The following PTPRG variants were observed in gnomAD, a reference collection of about 807,000 sequenced individuals.
The protein encoded by PTPRG is receptor-type tyrosine-protein phosphatase gamma.
In PTPRG, 102 loss-of-function variants were observed where a neutral mutation model predicts 165.3. The observed-to-expected ratio is 0.62, with a 90% confidence interval of 0.53 to 0.73. The LOEUF is 0.73. Among genes scored for constraint, PTPRG ranks in the 30% least tolerant of loss-of-function variants. The probability of loss-of-function intolerance (pLI) is 0.00; values close to 1 mark genes in which losing one functional copy is unlikely to be tolerated. For synonymous variants in PTPRG, 675 were observed against 669.5 expected, an observed-to-expected ratio of 1.01 and a Z score of -0.13; for missense variants, 1,866 against 1,861.4, an observed-to-expected ratio of 1.00 and a Z score of -0.05.
chr3:61,939,745 C>G (rs1183060758), intron 2 of PTPRG, among the ~76,000 whole-genome samples: 3 of 152,006 alleles, frequency 2.0e-5, no homozygotes, highest in Non-Finnish European at 4.4e-5. Context: ...AAATAGGGAA[C>G]TCTGTTTTGC....
At chr3:61,683,404 G>A (rs759889349) in intron 1 of PTPRG, among the ~76,000 whole-genome samples, 18 of 151,888 alleles carry the variant, frequency 1.2e-4, no homozygotes, top group Non-Finnish European at 2.5e-4. Context: ...CTCTGTGGAG[G>A]GTCAATTTTC....
At chr3:61,977,609 G>A (rs1475365536) in intron 2 of PTPRG, among the ~76,000 whole-genome samples, 4 of 151,478 alleles carry the variant, frequency 2.6e-5, no homozygotes, top group African/African-American at 9.7e-5. Context: ...TTTTTTCACA[G>A]AATGGCATTA....
chr3:61,934,142 A>G (rs890607180), intron 2 of PTPRG, among the ~76,000 whole-genome samples: 8 of 152,224 alleles, frequency 5.3e-5, no homozygotes, highest in African/African-American at 1.9e-4. Context: ...CAAGAACAAA[A>G]GAAAGGTGCC....
intron 4 of PTPRG, among the ~76,000 whole-genome samples, chr3:62,031,803 A>G (rs1047731352): frequency 2.0e-5 from 3 of 152,138 alleles, no homozygotes; most frequent in African/African-American, 7.2e-5. Context: ...AGATAGAGAC[A>G]TTATTTCAGG....
intron 2 of PTPRG, among the ~76,000 whole-genome samples, chr3:61,929,468 A>G (rs2039306519): frequency 6.6e-6 from 1 of 152,198 alleles, no homozygotes; most frequent in Admixed American, 6.5e-5. Context: ...GAAACTCAAC[A>G]TTTAGTTGAG....
intron 10 of PTPRG, among the ~76,000 whole-genome samples, chr3:62,199,372 GCATGTACA>G (rs1219587170): frequency 1.3e-5 from 2 of 152,168 alleles, no homozygotes; most frequent in Non-Finnish European, 2.9e-5. Flanking sequence ...CAGGCAGGGG[GCATGTACA>G]CATGAGGGGA....
intron 2 of PTPRG, among the ~76,000 whole-genome samples, chr3:61,939,950 TTTTTTTTTTTTTTTG>T (rs1296878500): frequency 2.5e-5 from 3 of 121,630 alleles, no homozygotes; most frequent in African/African-American, 9.9e-5. Flanking sequence ...TTTTTTTTTT[TTTTTTTTTTTTTTTG>T]AGACAGTCTT....
intron 4 of PTPRG, among the ~76,000 whole-genome samples, chr3:62,009,373 A>G (rs1042805930): frequency 2.6e-5 from 4 of 152,130 alleles, no homozygotes; most frequent in African/African-American, 9.7e-5. Context: ...GTCCAGCCAG[A>G]AGTTTCTAGT....
intron 2 of PTPRG, among the ~76,000 whole-genome samples, chr3:61,800,837 T>C (rs1368522668): frequency 6.6e-6 from 1 of 151,930 alleles, no homozygotes; most frequent in Non-Finnish European, 1.5e-5. Context: ...AGAGATAGGG[T>C]TTCGCCATGT....
chr3:62,227,065 C>T (rs1700779840), intron 13 of PTPRG, among the ~76,000 whole-genome samples: 1 of 152,216 alleles, frequency 6.6e-6, no homozygotes, highest in South Asian at 2.1e-4. Flanking sequence ...ATAATGGAGG[C>T]TCAGGCAAAC....
chr3:61,967,700 A>T (rs1004733728), intron 2 of PTPRG, among the ~76,000 whole-genome samples: 2 of 152,188 alleles, frequency 1.3e-5, no homozygotes, highest in African/African-American at 4.8e-5. Context: ...CACTGATTAT[A>T]AATTTGGCTA....
intron 2 of PTPRG, among the ~76,000 whole-genome samples, chr3:61,865,134 A>C (rs575276465): frequency 6.6e-6 from 1 of 152,106 alleles, no homozygotes; most frequent in Admixed American, 6.5e-5. Flanking sequence ...CCAGGAGCAA[A>C]CTGGGGAGTT....
intron 2 of PTPRG, among the ~76,000 whole-genome samples, chr3:61,958,858 C>T (rs1451411781): frequency 6.6e-6 from 1 of 152,050 alleles, no homozygotes; most frequent in Non-Finnish European, 1.5e-5. Context: ...AATGGAAATC[C>T]ACACGAACTT....
rs183149255 is a variant in PTPRG, at chr3:62,000,841, T to G, written c.371-2508T>G. On this transcript the variant is annotated intron_variant, in intron 3 of 29. Transcript: ENST00000474889. ...GAGTTTGGAAATAACCACCACTGAA[T>G]ATGTGTTTGCTGGCTTCCTGGCCCT... 3.4e-3 allele frequency among the ~76,000 whole-genome samples: 525 copies of G among 152,278 alleles called. 3 individuals carry two copies. Among genetic ancestry groups the G allele is most frequent in the African/African-American group, 0.012 (490 of 41,558 alleles).
At chr3:61,662,826 CAACT>C (rs1401214138) in intron 1 of PTPRG, among the ~76,000 whole-genome samples, 1 of 152,180 alleles carries the variant, frequency 6.6e-6, no homozygotes, top group African/African-American at 2.4e-5. Flanking sequence ...AAAGGCCTCT[CAACT>C]AAGACTTATT....
rs532999211 is a variant in PTPRG, at chr3:61,965,678, A to T, written c.191-23947A>T. Among the ~76,000 whole-genome samples the T allele has an allele frequency of 7.9e-5, 12 of 152,362 alleles. No homozygotes were observed. In the South Asian group the frequency reaches 1.0e-3, roughly 13 times the overall value. On this transcript the variant is annotated intron_variant, in intron 2 of 29. Transcript: ENST00000474889. ...CCAACTGTGTGTTTAGCATTGGGCA[A>T]TAATAATGGCTAATATTTAACACGT...
intron 5 of PTPRG, among the ~76,000 whole-genome samples, chr3:62,094,711 C>G (rs1158701217): frequency 6.6e-6 from 1 of 152,224 alleles, no homozygotes; most frequent in African/African-American, 2.4e-5. Flanking sequence ...CCCACTGAGG[C>G]TATCCAGGGC....
intron 1 of PTPRG, among the ~76,000 whole-genome samples, chr3:61,621,395 G>A (rs1048789184): frequency 1.9e-4 from 29 of 152,146 alleles, no homozygotes; most frequent in African/African-American, 2.4e-5. Context: ...GATGGGATTG[G>A]ATTAATACTA....
At chr3:61,652,328 A>T (rs1702375770) in intron 1 of PTPRG, among the ~76,000 whole-genome samples, 1 of 152,072 alleles carries the variant, frequency 6.6e-6, no homozygotes, top group South Asian at 2.1e-4. Context: ...AAAAAATAAA[A>T]TGAAGAATCA....
Sources: gnomAD v4.1 joint callset for allele counts (sites outside exome capture counted in the v4.1 genomes callset) on GRCh38, gnomAD v4.1.1 for gene constraint, MANE v1.5 for transcripts, NCBI Gene and HGNC (gene_info 2026-07-23, HGNC 2026-07-21) for gene names.